The following ARMH1 variants were observed in gnomAD, a reference collection of about 807,000 sequenced individuals.
The protein encoded by ARMH1 is armadillo like helical domain containing 1.
Under a neutral mutation model 50.2 loss-of-function variants are expected in ARMH1, and 34 were observed. The ratio of observed to expected loss-of-function variants is 0.68; its 90% CI spans 0.51 to 0.90. The LOEUF (loss-of-function observed/expected upper bound fraction) is 0.90, where lower values mean the gene tolerates loss of function less well. Among genes scored for constraint, ARMH1 ranks in the 40% least tolerant of loss-of-function variants. The probability of loss-of-function intolerance (pLI) is 0.00; values close to 1 mark genes in which losing one functional copy is unlikely to be tolerated. For missense variants in ARMH1, 538 were observed against 553.9 expected (o/e 0.97, Z 0.29); for synonymous variants, 221 against 224.2 (o/e 0.99, Z 0.13).
intron 6 of ARMH1, among the ~76,000 whole-genome samples, chr1:44,709,285 CT>C (rs1485205258): frequency 6.6e-6 from 1 of 152,154 alleles, no homozygotes; most frequent in Non-Finnish European, 1.5e-5. Flanking sequence ...TCTCTGTATA[CT>C]TTTTCCCTAA....
At position 44,681,146 on chromosome 1, in the gene ARMH1, C is replaced by A. The variant is rs932015898; in HGVS notation, c.-23+6273C>A. Among the ~76,000 whole-genome samples, 3 of 151,986 alleles carry A rather than the reference C, an allele frequency of 2.0e-5. No homozygotes were observed. Among genetic ancestry groups the A allele is most frequent in the African/African-American group, 7.2e-5 (3 of 41,392 alleles). On this transcript the variant is annotated intron_variant, in intron 1 of 11. Transcript: ENST00000535358. The surrounding 1 kb of genome is among the most constrained non-coding windows in gnomAD (Gnocchi z 4.3). ...AGTAGCTGGGACTGCAGGCGTCCAC[C>A]ACCATGCCCGGCTAACTTTTTGTAT...
In ARMH1 at chr1:44,723,411, C is replaced by A. The variant is rs191440126; in HGVS notation, c.725-711C>A. Among the ~76,000 whole-genome samples, 776 of 152,264 alleles carry A rather than the reference C, an allele frequency of 5.1e-3. 5 individuals carry two copies. Among genetic ancestry groups the A allele is most frequent in the Non-Finnish European group, 7.3e-3 (499 of 68,022 alleles). ...GAATGCTGGACTGAATGAATGACTGCCTGTAAAATATCTACAGGAAAGCCC... is the reference window on the plus strand; with the variant it reads ...GAATGCTGGACTGAATGAATGACTGACTGTAAAATATCTACAGGAAAGCCC... On this transcript the variant is annotated intron_variant, in intron 6 of 11. Transcript: ENST00000535358.
chr1:44,720,136 G>C (rs139228271), intron 6 of ARMH1, among the ~76,000 whole-genome samples: 5 of 147,544 alleles, frequency 3.4e-5, no homozygotes, highest in Non-Finnish European at 1.5e-5. Context: ...GGCAGAGGTT[G>C]CAGTGAGCCA....
At chr1:44,713,911 T>G (rs963563057) in intron 6 of ARMH1, among the ~76,000 whole-genome samples, 1 of 152,198 alleles carries the variant, frequency 6.6e-6, no homozygotes, top group African/African-American at 2.4e-5. Context: ...TTGCCTGGCT[T>G]TAAAAACAAA....
intron 3 of ARMH1, among the ~76,000 whole-genome samples, chr1:44,697,746 C>G (rs191456745): frequency 2.0e-4 from 31 of 152,238 alleles, no homozygotes; most frequent in African/African-American, 6.5e-4. Flanking sequence ...GGGTGACATA[C>G]CCTGTCACCT....
At chr1:44,711,787 C>T (rs1179748955) in intron 6 of ARMH1, among the ~76,000 whole-genome samples, 1 of 152,192 alleles carries the variant, frequency 6.6e-6, no homozygotes, top group East Asian at 1.9e-4. Context: ...AATGTTAACT[C>T]ATAACTACTA....
intron 1 of ARMH1, among the ~76,000 whole-genome samples, chr1:44,677,737 C>T (rs1015953972): frequency 3.3e-5 from 5 of 152,072 alleles, no homozygotes; most frequent in Admixed American, 2.0e-4. Context: ...AGAGGATGCC[C>T]GTGAGCTAGG....
At chr1:44,708,333 G>A (rs1016007785) in intron 6 of ARMH1, among the ~76,000 whole-genome samples, 2 of 152,232 alleles carry the variant, frequency 1.3e-5, no homozygotes, top group African/African-American at 2.4e-5. Flanking sequence ...TGTCCAAGAG[G>A]AGCCTGAGTG....
At chr1:44,715,374 C>A (rs1646810230) in intron 6 of ARMH1, among the ~76,000 whole-genome samples, 1 of 152,152 alleles carries the variant, frequency 6.6e-6, no homozygotes, top group East Asian at 1.9e-4. Flanking sequence ...TTGTGGTTTC[C>A]TGGGCAAGTC....
rs888573016 is a variant in ARMH1, at chr1:44,689,721, A to G, written c.24A>G (p.Ala8=). 1.8e-5 allele frequency: 28 copies of G among 1,551,904 alleles called. No homozygotes were observed. The highest frequency in any genetic ancestry group is 2.3e-5 in the Non-Finnish European group (26 of 1,147,056). MTSIKEQ[A]AISRLLSFLQ... ...TCATGACTTCTATAAAGGAGCAGGC[A>G]GCAATTAGCAGGCTCTTAAGTTTTT... Residue 8 remains alanine, a synonymous_variant, in exon 2 of 12, where the codon GCA becomes GCG. Coordinates refer to ENST00000535358, the MANE Select transcript of ARMH1 (RefSeq NM_001145636.2).
intron 6 of ARMH1, among the ~76,000 whole-genome samples, chr1:44,722,251 CAT>C (rs1647380198): frequency 6.6e-6 from 1 of 152,128 alleles, no homozygotes; most frequent in African/African-American, 2.4e-5. Context: ...CATGTAGCCA[CAT>C]GTGTTCAGAG....
rs918244018 is a variant in ARMH1, at chr1:44,704,631, C to T, written c.724+458C>T. Reference sequence around the variant, plus strand: ...GGCTCAAGATATTCTCCCTCCTCAACCTCCCAAGTAGCTAGGACCACAAGT... The same window carrying T: ...GGCTCAAGATATTCTCCCTCCTCAATCTCCCAAGTAGCTAGGACCACAAGT... On this transcript the variant is annotated intron_variant, in intron 6 of 11. Transcript: ENST00000535358. Among the ~76,000 whole-genome samples the T allele has an allele frequency of 1.7e-4, 26 of 151,662 alleles. 2 individuals are homozygous for T. The highest frequency in any genetic ancestry group is 1.4e-3 in the Admixed American group (21 of 15,174).
intron 1 of ARMH1, 67 bp from the exon 2 acceptor site, chr1:44,689,609 A>T: frequency 8.0e-7 from 1 of 1,255,366 alleles, no homozygotes; most frequent in Non-Finnish European, 1.1e-6. Flanking sequence ...GTTGATTGCT[A>T]GAAAAATAAT....
chr1:44,679,736 G>A (rs1417023047), intron 1 of ARMH1, among the ~76,000 whole-genome samples: 1 of 152,226 alleles, frequency 6.6e-6, no homozygotes, highest in African/African-American at 2.4e-5. Context: ...GCAGCTTTGG[G>A]AAGTTGGTAG....
chr1:44,709,421 C>T (rs972290550), intron 6 of ARMH1, among the ~76,000 whole-genome samples: 2 of 152,162 alleles, frequency 1.3e-5, no homozygotes, highest in Admixed American at 6.5e-5. Context: ...GCCTTTAATC[C>T]CAGCACTTTG....
At chr1:44,721,862 A>T (rs1557570006) in intron 6 of ARMH1, 1 of 152,210 alleles carries the variant, frequency 6.6e-6, no homozygotes, top group Non-Finnish European at 1.5e-5. Flanking sequence ...TCTTTAGTAA[A>T]AGGCGAAAGA....
chr1:44,709,558 C>G (rs147612845), intron 6 of ARMH1, among the ~76,000 whole-genome samples: 13,981 of 151,768 alleles, frequency 0.092, 879 homozygotes, highest in Middle Eastern at 0.22. Flanking sequence ...TGTAGTCCCA[C>G]CTACACGGGA....
chr1:44,705,228 C>T (rs1214252862), intron 6 of ARMH1, among the ~76,000 whole-genome samples: 6 of 151,934 alleles, frequency 3.9e-5, no homozygotes, highest in African/African-American at 9.7e-5. Context: ...TGGTGGCTCA[C>T]GCCTGTAATT....
intron 1 of ARMH1, among the ~76,000 whole-genome samples, chr1:44,679,007 A>G (rs1171516497): frequency 1.3e-5 from 2 of 152,200 alleles, no homozygotes; most frequent in Non-Finnish European, 2.9e-5. Flanking sequence ...AGATTTATTA[A>G]TCACCTCTGA....
Sources: gnomAD v4.1 joint callset for allele counts (sites outside exome capture counted in the v4.1 genomes callset) on GRCh38, gnomAD v4.1.1 for gene constraint, Gnocchi (gnomAD v3.1) non-coding constraint, MANE v1.5 for transcripts, NCBI Gene and HGNC (gene_info 2026-07-23, HGNC 2026-07-21) for gene names.